CASKIN2: variants seen among roughly 807,000 people sequenced by gnomAD.
The protein encoded by CASKIN2 is caskin-2.
Under a neutral mutation model 107.1 loss-of-function variants are expected in CASKIN2, and 41 were observed. The ratio of observed to expected loss-of-function variants is 0.38; its 90% CI spans 0.30 to 0.50. CASKIN2 has a LOEUF of 0.50. Among genes scored for constraint, CASKIN2 ranks in the 20% least tolerant of loss-of-function variants. The pLI, the probability that CASKIN2 is intolerant of heterozygous loss-of-function variation, is 0.92. For synonymous variants in CASKIN2, 724 were observed against 705.6 expected, an observed-to-expected ratio of 1.03 and a Z score of -0.41; for missense variants, 1,546 against 1,657.4, an observed-to-expected ratio of 0.93 and a Z score of 1.17.
At position 75,505,551 on chromosome 17, in the gene CASKIN2, C is replaced by T. The variant is rs1184387138; in HGVS notation, c.930+6G>A. On this transcript the variant is annotated splice_donor_region_variant and intron_variant, in intron 10 of 19. Transcript: ENST00000321617. This position sits in a 1 kb window ranked among gnomAD's most constrained non-coding sequence, Gnocchi z 5.1. ...TGCAAAGGAATGCCTGCTTGGGGTC[C>T]CTCACCGTGATGACATCCCCTGCCC... 1 of 1,613,128 alleles carries T rather than the reference C, an allele frequency of 6.2e-7. No individual in the cohort carries two copies. The highest frequency in any genetic ancestry group is 2.2e-5 in the East Asian group (1 of 44,884).
chr17:75,507,884 T>C (rs771032010), intron 3 of CASKIN2: 3 of 576,010 alleles, frequency 5.2e-6, no homozygotes, highest in Non-Finnish European at 9.3e-6. Flanking sequence ...CCCGTTTGTC[T>C]CGCCCCCCCG....
At chr17:75,501,322 T>C in intron 19 of CASKIN2, 146 bp downstream of exon 19, 1 of 1,187,556 alleles carries the variant, frequency 8.4e-7, no homozygotes, top group Non-Finnish European at 1.2e-6. Context: ...CAGGATTCCC[T>C]GATCTAGGTG....
intron 4 of CASKIN2, 47 bp from the exon 5 acceptor site, chr17:75,507,176 G>C (rs933081137): frequency 3.8e-6 from 6 of 1,569,720 alleles, no homozygotes; most frequent in African/African-American, 2.7e-5. Context: ...GACGGCGTTG[G>C]GGGTGGAGAG....
In CASKIN2 at chr17:75,503,255, C is replaced by A; in HGVS notation, c.1820-1G>T. The A allele has an allele frequency of 6.3e-7, 1 of 1,584,008 alleles. No homozygotes were observed. The highest frequency in any genetic ancestry group is 8.6e-7 in the Non-Finnish European group (1 of 1,165,198). ...CCCAGCATGAGCTTCTTCTGATGCC[C>A]TGAGATGGGGGACGGAAGTGGCAAG... On this transcript the variant is annotated splice_acceptor_variant, in intron 17 of 19. Transcript: ENST00000321617. LOFTEE classifies it high-confidence loss of function.
In CASKIN2 at chr17:75,502,983, G is replaced by A. The variant is rs746173828; in HGVS notation, c.2091C>T (p.Ser697=). ...GTGAGCGTGCCCCGATGCTCTCCTG[G>A]CTGGGAGAGCGGGCAGGTGGGAGGG... ...PLPLPPARSP[S]QESIGARSRG... The change falls in exon 18 of 20, where the codon AGC becomes AGT. Residue 697 remains serine (S), a synonymous_variant. Transcript: ENST00000321617. The surrounding 1 kb of genome is among the most constrained non-coding windows in gnomAD (Gnocchi z 4.3). 3 of 1,605,372 alleles carry A rather than the reference G, an allele frequency of 1.9e-6. No homozygotes were observed. The highest frequency in any genetic ancestry group is 2.2e-5 in the South Asian group (2 of 90,464).
At chr17:75,508,450 G>A (rs996790815) in intron 2 of CASKIN2, among the ~76,000 whole-genome samples, 165 bp from the exon 3 acceptor site, 11 of 152,180 alleles carry the variant, frequency 7.2e-5, no homozygotes, top group South Asian at 6.2e-4. Context: ...CTGGCCCACC[G>A]GCCCAGCAGC....
In CASKIN2 at chr17:75,506,198, A is replaced by G. The variant is rs1419207786; in HGVS notation, c.726+107T>C. On this transcript the variant is annotated intron_variant, in intron 8 of 19. Coordinates refer to ENST00000321617, the MANE Select transcript of CASKIN2 (RefSeq NM_020753.5). This position sits in a 1 kb window ranked among gnomAD's most constrained non-coding sequence, Gnocchi z 4.8. ...AAGTCAGGCCTCTTTCCTGACGCCC[A>G]TGCAAAAACCACGCTGGAGTCCTCC... 15 of 999,594 alleles carry G rather than the reference A, an allele frequency of 1.5e-5. No homozygotes were observed. The highest frequency in any genetic ancestry group is 2.5e-5 in the East Asian group (1 of 40,002). 61.9% of individuals were successfully genotyped at this position (999,594 alleles called of 1,614,324 possible). A position where few individuals can be genotyped will look rare whatever the true frequency, so the allele number is the denominator to read the frequency against.
rs754157527 is a variant in CASKIN2, at chr17:75,502,685, G to A, written c.2389C>T (p.Arg797Trp). ...CCAGGGCGGCTTAGGCTGTGGGACCGGCGCTTAGGTCGAGGCGGGTCTGGG... is the reference window on the plus strand; with the variant it reads ...CCAGGGCGGCTTAGGCTGTGGGACCAGCGCTTAGGTCGAGGCGGGTCTGGG... ...TPPDPPRPKR[R>W]SHSLSRPGPT... is the part of the protein sequence containing the mutation. The change falls in exon 18 of 20, where the codon CGG becomes TGG. Residue 797 changes from arginine (R) to tryptophan (W), a missense_variant. By Grantham distance (101) the Arg-to-Trp change is moderately radical. Transcript: ENST00000321617. This position sits in a 1 kb window ranked among gnomAD's most constrained non-coding sequence, Gnocchi z 4.3. The A allele has an allele frequency of 3.9e-5, 63 of 1,600,354 alleles. No individual in the cohort carries two copies. The highest frequency in any genetic ancestry group is 8.5e-5 in the Admixed American group (5 of 58,694).
intron 2 of CASKIN2, chr17:75,509,851 G>C (rs1311034198): frequency 1.0e-6 from 1 of 985,610 alleles, no homozygotes; most frequent in African/African-American, 1.7e-5. Flanking sequence ...AGGCAGCTGG[G>C]TGGCGGGATG....
chr17:75,511,229 T>A lies in CASKIN2; in HGVS notation c.94+2482A>T, dbSNP rs999199839. On this transcript the variant is annotated intron_variant, in intron 2 of 19. Transcript: ENST00000321617. ...GCACTTGCCACCACACTGAGCTAAT[T>A]TTTGTATTTTTAGTAGAGACGGGGC... Among the ~76,000 whole-genome samples the A allele has an allele frequency of 2.0e-5, 3 of 151,908 alleles. No individual in the cohort carries two copies. In the South Asian group the frequency reaches 6.2e-4, roughly 32 times the overall value.
Position 75,501,873 on chromosome 17 carries a change from T to C in CASKIN2, c.3201A>G (p.Pro1067=). The C allele has an allele frequency of 1.3e-6, 2 of 1,562,194 alleles. No homozygotes were observed. Among genetic ancestry groups the C allele is most frequent in the Non-Finnish European group, 1.7e-6 (2 of 1,155,178 alleles). ...PAMQPPVPPC[P]GPGLESSAAS... ...CTGCTGAGCTTTCCAGACCTGGCCC[T>C]GGGCAGGGCGGCACTGGAGGCTGCA... Residue 1067 remains proline, a synonymous_variant, in exon 18 of 20, where the codon CCA becomes CCG. Coordinates refer to ENST00000321617, the MANE Select transcript of CASKIN2 (RefSeq NM_020753.5).
Position 75,502,686 on chromosome 17 carries a change from G to A in CASKIN2, c.2388C>T (p.Arg796=), listed in dbSNP as rs2053214153. ...CAGGGCGGCTTAGGCTGTGGGACCG[G>A]CGCTTAGGTCGAGGCGGGTCTGGGG... is the stretch of plus-strand genomic sequence containing the variant. ...ATPPDPPRPK[R]RSHSLSRPGP... is the part of the protein sequence containing the mutation. Residue 796 remains arginine, a synonymous_variant, in exon 18 of 20, where the codon CGC becomes CGT. Transcript: ENST00000321617. The surrounding 1 kb of genome is among the most constrained non-coding windows in gnomAD (Gnocchi z 4.3). The A allele has an allele frequency of 6.2e-7, 1 of 1,600,530 alleles. No individual in the cohort carries two copies. Among genetic ancestry groups the A allele is most frequent in the African/African-American group, 1.3e-5 (1 of 74,756 alleles).
Position 75,505,801 on chromosome 17 carries a change from G to C in CASKIN2, c.835+20C>G, listed in dbSNP as rs924819012. 6.2e-7 allele frequency: 1 copy of C among 1,609,274 alleles called. No individual in the cohort carries two copies. Among genetic ancestry groups the C allele is most frequent in the Non-Finnish European group, 8.5e-7 (1 of 1,177,552 alleles). On this transcript the variant is annotated intron_variant, in intron 9 of 19. Coordinates refer to ENST00000321617, the MANE Select transcript of CASKIN2 (RefSeq NM_020753.5). This position sits in a 1 kb window ranked among gnomAD's most constrained non-coding sequence, Gnocchi z 5.1. ...AGCGGCCCCAGGCCCCCTGGGCAGG[G>C]TATCCTCCCCCGCACTCACCCCGCA...
At position 75,502,224 on chromosome 17, in the gene CASKIN2, C is replaced by T. The variant is rs767996133; in HGVS notation, c.2850G>A (p.Leu950=). The change falls in exon 18 of 20, where the codon CTG becomes CTA. Residue 950 remains leucine, a synonymous_variant. Transcript: ENST00000321617. This position sits in a 1 kb window ranked among gnomAD's most constrained non-coding sequence, Gnocchi z 4.3. ...TCAGGTTCCCTTCCTCTGCAAACGGCAGCCCTTCCCCAGAGCTGCCCCGAG... is the reference window on the plus strand; with the variant it reads ...TCAGGTTCCCTTCCTCTGCAAACGGTAGCCCTTCCCCAGAGCTGCCCCGAG... ...PPSRGSSGEG[L]PFAEEGNLTI... is the part of the protein sequence containing the mutation. 32 of 1,585,640 alleles carry T rather than the reference C, an allele frequency of 2.0e-5. No individual in the cohort carries two copies. The highest frequency in any genetic ancestry group is 2.6e-5 in the Non-Finnish European group (31 of 1,171,418).
At chr17:75,513,301 C>T (rs879936891) in intron 2 of CASKIN2, among the ~76,000 whole-genome samples, 5 of 151,960 alleles carry the variant, frequency 3.3e-5, no homozygotes, top group Non-Finnish European at 5.9e-5. Context: ...AAAAATTAGC[C>T]GGGCATGGTG....
chr17:75,504,823 G>A lies in CASKIN2; in HGVS notation c.1181C>T (p.Pro394Leu), dbSNP rs1453283196. 8.1e-6 allele frequency: 13 copies of A among 1,610,566 alleles called. No individual in the cohort carries two copies. The highest frequency in any genetic ancestry group is 9.3e-6 in the Non-Finnish European group (11 of 1,179,078). ...CTGGGAGGATGTACCTGGGCTGTCT[G>A]GGCTGAGGCCCACCCGAGGAAGCTG... ...YSQLPRVGLSPDSPAGDRNSV... is the reference protein window; with the variant it reads ...YSQLPRVGLSLDSPAGDRNSV... The change falls in exon 11 of 20, where the codon CCA becomes CTA. Residue 394 changes from proline to leucine, a missense_variant. Pro to Leu is a moderately conservative substitution (Grantham distance 98). This residue lies in a region of CASKIN2 where 1,311 missense variants were observed against 1,311.0 expected (regional missense o/e 1.00). Coordinates refer to ENST00000321617, the MANE Select transcript of CASKIN2 (RefSeq NM_020753.5).
intron 4 of CASKIN2, among the ~76,000 whole-genome samples, 193 bp from the exon 5 acceptor site, chr17:75,507,322 T>C (rs1394578126): frequency 6.6e-6 from 1 of 152,140 alleles, no homozygotes; most frequent in African/African-American, 2.4e-5. Context: ...CTGTGCCCAC[T>C]GTGGATCATG....
At chr17:75,509,585 C>T (rs539437162) in intron 2 of CASKIN2, 9 of 985,654 alleles carry the variant, frequency 9.1e-6, no homozygotes, top group Non-Finnish European at 1.1e-5. Flanking sequence ...AAACACAGAC[C>T]TCCATTTTCC....
rs1171600109 is a variant in CASKIN2 at position 75,505,933 on chromosome 17, G to C, written c.727-4C>G. On this transcript the variant is annotated splice_polypyrimidine_tract_variant and splice_region_variant and intron_variant, in intron 8 of 19. Transcript: ENST00000321617. The surrounding 1 kb of genome is among the most constrained non-coding windows in gnomAD (Gnocchi z 5.1). ...GGATGTTCACGTCCACACCTCCCTGGGTGCACAGTGTCACATGAGCACACG... is the reference window on the plus strand; with the variant it reads ...GGATGTTCACGTCCACACCTCCCTGCGTGCACAGTGTCACATGAGCACACG... 6.2e-7 allele frequency: 1 copy of C among 1,612,318 alleles called. No individual in the cohort carries two copies. Among genetic ancestry groups the C allele is most frequent in the Non-Finnish European group, 8.5e-7 (1 of 1,179,290 alleles).
Sources: allele counts gnomAD v4.1 joint callset (sites outside exome capture counted in the v4.1 genomes callset), GRCh38; gene constraint gnomAD v4.1.1; regional missense constraint gnomAD v4.1.1; non-coding constraint Gnocchi (gnomAD v3.1); transcripts MANE v1.5; gene names NCBI Gene and HGNC (gene_info 2026-07-23, HGNC 2026-07-21).